PDZK1IP1: variants seen among roughly 807,000 people sequenced by gnomAD.
PDZK1IP1 encodes the protein PDZK1-interacting protein 1.
In PDZK1IP1, 9 loss-of-function variants were observed where a neutral mutation model predicts 14.7. That is an observed-to-expected ratio of 0.61 (90% CI 0.37 to 1.07). The LOEUF (loss-of-function observed/expected upper bound fraction) is 1.07, where lower values mean the gene tolerates loss of function less well. PDZK1IP1 is among the 50% of genes least tolerant of loss of function. PDZK1IP1 has a pLI of 0.01. For synonymous variants in PDZK1IP1, 70 were observed against 61.2 expected (o/e 1.14, Z -0.67); for missense variants, 152 against 148.7 (o/e 1.02, Z -0.11).
intron 3 of PDZK1IP1, 109 bp from the exon 4 acceptor site, chr1:47,184,152 T>G: frequency 1.2e-6 from 1 of 850,498 alleles, no homozygotes; most frequent in South Asian, 1.5e-5. Context: ...AATAAACACT[T>G]GACTCCCAGA....
rs1229180058 is a variant in PDZK1IP1 at position 47,189,959 on chromosome 1, C to G, written c.-27G>C. ...GCTGCAGCAGCTCCTAGCCTTGCTT[C>G]TGGCCGCCGGTGTCTGGGCTCCTGG... On this transcript the variant is annotated 5_prime_UTR_variant, in exon 1 of 4. Coordinates refer to ENST00000294338, the MANE Select transcript of PDZK1IP1 (RefSeq NM_005764.4). 2 of 1,556,964 alleles carry G rather than the reference C, an allele frequency of 1.3e-6. No homozygotes were observed. The highest frequency in any genetic ancestry group is 1.7e-6 in the Non-Finnish European group (2 of 1,160,250).
chr1:47,185,981 C>T (rs1317005237), intron 2 of PDZK1IP1, among the ~76,000 whole-genome samples: 1 of 152,150 alleles, frequency 6.6e-6, no homozygotes, highest in South Asian at 2.1e-4. Flanking sequence ...AGTCATTCTG[C>T]TAAGGCCGTG....
intron 3 of PDZK1IP1, among the ~76,000 whole-genome samples, 168 bp from the exon 4 acceptor site, chr1:47,184,211 C>T (rs1645302005): frequency 6.6e-6 from 1 of 151,840 alleles, no homozygotes; most frequent in Admixed American, 6.6e-5. Context: ...AGACTGGAGG[C>T]CTCTCAGCAT....
At chr1:47,184,498 CCCATCCCCCACTGAAT>C (rs1645305611) in intron 3 of PDZK1IP1, among the ~76,000 whole-genome samples, 1 of 35,890 alleles carries the variant, frequency 2.8e-5, no homozygotes, top group Non-Finnish European at 7.3e-5. Context: ...CCCCACTGAA[CCCATCCCCCACTGAAT>C]CCATCCCCCA....
intron 3 of PDZK1IP1, among the ~76,000 whole-genome samples, chr1:47,184,489 C>T (rs1040847596): frequency 6.6e-6 from 1 of 150,992 alleles, no homozygotes. Flanking sequence ...GAACCCATCC[C>T]CCACTGAACC....
intron 1 of PDZK1IP1, 46 bp downstream of exon 1, chr1:47,189,820 G>A (rs1296244480): frequency 1.5e-5 from 22 of 1,465,614 alleles, no homozygotes; most frequent in Non-Finnish European, 2.0e-5. Context: ...AACACCACCT[G>A]TCCACCCCTG....
chr1:47,185,119 G>A, intron 2 of PDZK1IP1, 22 bp from the exon 3 acceptor site: 1 of 1,603,580 alleles, frequency 6.2e-7, no homozygotes, highest in South Asian at 1.1e-5. Context: ...ATTCATCAGT[G>A]GGGCTCCTCA....
chr1:47,186,746 ACTC>A (rs1645322373), intron 2 of PDZK1IP1, among the ~76,000 whole-genome samples: 1 of 151,882 alleles, frequency 6.6e-6, no homozygotes, highest in African/African-American at 2.4e-5. Flanking sequence ...CCTGGTAGTG[ACTC>A]CTCCTCGTTA....
Position 47,189,986 on chromosome 1 carries a change from G to A in PDZK1IP1, c.-54C>T. The A allele has an allele frequency of 7.0e-7, 1 of 1,434,814 alleles. No homozygotes were observed. The highest frequency in any genetic ancestry group is 9.4e-7 in the Non-Finnish European group (1 of 1,065,924). The allele number at this position is 1,434,814 out of a possible 1,614,324, so 88.9% of individuals were successfully genotyped here. ...GGCCGCCGGTGTCTGGGCTCCTGGAGCTGCTGTGGAGTCTATTGGTGTCCG... is the reference window on the plus strand; with the variant it reads ...GGCCGCCGGTGTCTGGGCTCCTGGAACTGCTGTGGAGTCTATTGGTGTCCG... On this transcript the variant is annotated 5_prime_UTR_variant, in exon 1 of 4. Coordinates refer to ENST00000294338, the MANE Select transcript of PDZK1IP1 (RefSeq NM_005764.4).
intron 1 of PDZK1IP1, among the ~76,000 whole-genome samples, chr1:47,188,212 C>T (rs940129903): frequency 6.6e-6 from 1 of 152,322 alleles, no homozygotes; most frequent in South Asian, 2.1e-4. Context: ...TACTACGTTG[C>T]CCAGGCTGGT....
intron 1 of PDZK1IP1, among the ~76,000 whole-genome samples, chr1:47,189,511 C>G (rs1645340105): frequency 6.6e-6 from 1 of 152,196 alleles, no homozygotes; most frequent in South Asian, 2.1e-4. Flanking sequence ...GAGGCCGAGA[C>G]AAAGCCCAAG....
rs1645300099 is a variant in PDZK1IP1, at chr1:47,183,934, G to A, written c.*37C>T. The A allele has an allele frequency of 1.3e-6, 2 of 1,537,390 alleles. No homozygotes were observed. The highest frequency in any genetic ancestry group is 3.7e-5 in the Admixed American group (2 of 53,786). On this transcript the variant is annotated 3_prime_UTR_variant, in exon 4 of 4. Coordinates refer to ENST00000294338, the MANE Select transcript of PDZK1IP1 (RefSeq NM_005764.4). Reference sequence around the variant, plus strand: ...TGGTAGCACTGGACATCCATCCCATGTGCCTGGGAGTCTTGGGGTTGGAGC... The same window carrying A: ...TGGTAGCACTGGACATCCATCCCATATGCCTGGGAGTCTTGGGGTTGGAGC...
chr1:47,189,845 A>C (rs372721135), intron 1 of PDZK1IP1, 21 bp downstream of exon 1: 29 of 1,576,146 alleles, frequency 1.8e-5, no homozygotes, highest in Non-Finnish European at 2.3e-5. Context: ...TCCCGTGCCC[A>C]GCCCTCTCCT....
intron 2 of PDZK1IP1, among the ~76,000 whole-genome samples, chr1:47,186,779 G>A (rs1036538110): frequency 6.6e-6 from 1 of 152,200 alleles, no homozygotes; most frequent in African/African-American, 2.4e-5. Flanking sequence ...CGGGATAAAT[G>A]TGCAATGGGG....
rs776124450 is a variant in PDZK1IP1, at chr1:47,190,011, G to A, written c.-79C>T. 42 of 1,148,758 alleles carry A rather than the reference G, an allele frequency of 3.7e-5. No individual in the cohort carries two copies. The highest frequency in any genetic ancestry group is 4.3e-5 in the Non-Finnish European group (36 of 836,730). The allele number at this position is 1,148,758 out of a possible 1,614,324, so 71.2% of individuals were successfully genotyped here. ...GCTGCTGTGGAGTCTATTGGTGTCC[G>A]CCTGAAATCAACCTGGGCTCAGTCT... On this transcript the variant is annotated 5_prime_UTR_variant, in exon 1 of 4. Transcript: ENST00000294338.
At chr1:47,185,158 T>C (rs1350371555) in intron 2 of PDZK1IP1, 61 bp from the exon 3 acceptor site, 1 of 1,277,100 alleles carries the variant, frequency 7.8e-7, no homozygotes, top group Admixed American at 1.7e-5. Flanking sequence ...AAGCAGACCC[T>C]ATTCTGGGTC....
At position 47,190,022 on chromosome 1, in the gene PDZK1IP1, A is replaced by G. The variant is rs2821091; in HGVS notation, c.-90T>C. ...GTCTATTGGTGTCCGCCTGAAATCA[A>G]CCTGGGCTCAGTCTGGCCCTGGAGG... On this transcript the variant is annotated 5_prime_UTR_variant, in exon 1 of 4. Coordinates refer to ENST00000294338, the MANE Select transcript of PDZK1IP1 (RefSeq NM_005764.4). 2,506 of 1,033,010 alleles carry G rather than the reference A, an allele frequency of 2.4e-3. 21 individuals carry two copies. The highest frequency in any genetic ancestry group is 0.02 in the African/African-American group (1,195 of 60,184). The allele number at this position is 1,033,010 out of a possible 1,614,324, so 64.0% of individuals were successfully genotyped here. A position where few individuals can be genotyped will look rare whatever the true frequency, so the allele number is the denominator to read the frequency against.
At chr1:47,184,098 T>C in intron 3 of PDZK1IP1, 55 bp from the exon 4 acceptor site, 1 of 1,321,812 alleles carries the variant, frequency 7.6e-7, no homozygotes, top group South Asian at 1.3e-5. Context: ...TTCTATCCCC[T>C]TCTCCCTGCC....
At chr1:47,189,504 G>A (rs1294662519) in intron 1 of PDZK1IP1, among the ~76,000 whole-genome samples, 1 of 152,186 alleles carries the variant, frequency 6.6e-6, no homozygotes, top group Non-Finnish European at 1.5e-5. Context: ...AGCCCAAGAG[G>A]CCGAGACAAA....
Sources: allele counts gnomAD v4.1 joint callset (sites outside exome capture counted in the v4.1 genomes callset), GRCh38; gene constraint gnomAD v4.1.1; transcripts MANE v1.5; gene names NCBI Gene and HGNC (gene_info 2026-07-23, HGNC 2026-07-21).